The following PRKCQ variants were observed in gnomAD, a reference collection of about 807,000 sequenced individuals.
PRKCQ encodes protein kinase C theta type.
PRKCQ carries 41 observed loss-of-function variants against 91.2 expected under a neutral mutation model. That is an observed-to-expected ratio of 0.45 (90% CI 0.35 to 0.58). The LOEUF is 0.58. Ranked by LOEUF, PRKCQ falls within the 20% of genes least tolerant of loss-of-function variation. The probability of loss-of-function intolerance (pLI) is 0.00; values close to 1 mark genes in which losing one functional copy is unlikely to be tolerated. For missense variants in PRKCQ, 673 were observed against 896.5 expected (o/e 0.75, Z 3.18); for synonymous variants, 307 against 316.9 (o/e 0.97, Z 0.33).
intron 15 of PRKCQ, among the ~76,000 whole-genome samples, chr10:6,453,577 C>A (rs896732699): frequency 6.6e-6 from 1 of 152,166 alleles, no homozygotes; most frequent in Non-Finnish European, 1.5e-5. Flanking sequence ...TGGGTATATA[C>A]CCAAAGGACT....
At chr10:6,437,320 C>A (rs1833744998) in intron 16 of PRKCQ, among the ~76,000 whole-genome samples, 1 of 152,244 alleles carries the variant, frequency 6.6e-6, no homozygotes, top group African/African-American at 2.4e-5. Flanking sequence ...AAAGAGAGAC[C>A]AGAGTTTATC....
At chr10:6,474,174 G>GGTCAAT (rs1196878618) in intron 12 of PRKCQ, among the ~76,000 whole-genome samples, 1 of 152,198 alleles carries the variant, frequency 6.6e-6, no homozygotes, top group Non-Finnish European at 1.5e-5. Flanking sequence ...ATGTTCAACT[G>GGTCAAT]GTGCATATTG....
intron 8 of PRKCQ, among the ~76,000 whole-genome samples, chr10:6,490,332 G>T (rs762952553): frequency 6.6e-6 from 1 of 152,078 alleles, no homozygotes; most frequent in Non-Finnish European, 1.5e-5. Flanking sequence ...GTACCTCATT[G>T]CTCAAAAGAG....
rs566560320 is a variant in PRKCQ, at chr10:6,465,551, C to T, written c.1354-1147G>A. Among the ~76,000 whole-genome samples the T allele has an allele frequency of 3.3e-5, 5 of 152,326 alleles. No homozygotes were observed. The East Asian group carries it at 9.6e-4, about 29-fold the overall frequency. On this transcript the variant is annotated intron_variant, in intron 12 of 17. Coordinates refer to ENST00000263125, the MANE Select transcript of PRKCQ (RefSeq NM_006257.5). This position sits in a 1 kb window ranked among gnomAD's most constrained non-coding sequence, Gnocchi z 4.4. The stretch of plus-strand genomic sequence containing the variant: ...TGTAATGCATCACAGAATCAGTAAT[C>T]CATAAAGTGTGAGGACCTTCGGTGC...
At chr10:6,526,102 T>C (rs1322229730) in intron 1 of PRKCQ, among the ~76,000 whole-genome samples, 1 of 152,180 alleles carries the variant, frequency 6.6e-6, no homozygotes. Flanking sequence ...GTAAGCCTTC[T>C]ATATGTGTTT....
chr10:6,522,491 G>C (rs779859732), intron 1 of PRKCQ, among the ~76,000 whole-genome samples: 1 of 152,126 alleles, frequency 6.6e-6, no homozygotes, highest in Admixed American at 6.6e-5. Flanking sequence ...CCCAGAATGC[G>C]TTTATAGAGA....
At chr10:6,546,448 T>C (rs1357528295) in intron 1 of PRKCQ, among the ~76,000 whole-genome samples, 1 of 152,168 alleles carries the variant, frequency 6.6e-6, no homozygotes, top group African/African-American at 2.4e-5. Flanking sequence ...GGAAGCTACA[T>C]TAGTTCAAAG....
At chr10:6,503,833 G>A (rs755512926) in intron 4 of PRKCQ, among the ~76,000 whole-genome samples, 3 of 152,146 alleles carry the variant, frequency 2.0e-5, no homozygotes, top group Non-Finnish European at 4.4e-5. Context: ...CTAGAGTGCA[G>A]TGGCACTATC....
chr10:6,405,426 C>T, the PRKCQ span, among the ~76,000 whole-genome samples: 6 of 152,350 alleles, frequency 3.9e-5, no homozygotes, highest in African/African-American at 1.2e-4. Flanking sequence ...TCTCCTTTTG[C>T]GTCCTGGACC....
chr10:6,538,671 G>A (rs1307319109), intron 1 of PRKCQ, among the ~76,000 whole-genome samples: 1 of 152,152 alleles, frequency 6.6e-6, no homozygotes, highest in East Asian at 1.9e-4. Context: ...AGTGCCAGCT[G>A]GTCATGGACT....
the PRKCQ span, among the ~76,000 whole-genome samples, chr10:6,417,259 T>C: frequency 2.0e-5 from 3 of 152,204 alleles, no homozygotes; most frequent in South Asian, 4.1e-4. Context: ...AGTTGTTATT[T>C]TGAAATACTG....
At chr10:6,403,884 A>C in the PRKCQ span, among the ~76,000 whole-genome samples, 3 of 152,228 alleles carry the variant, frequency 2.0e-5, no homozygotes, top group South Asian at 6.2e-4. Flanking sequence ...CTTTGTTCCC[A>C]AAGTCACACA....
At chr10:6,504,444 C>A (rs1473871312) in intron 4 of PRKCQ, among the ~76,000 whole-genome samples, 1 of 152,222 alleles carries the variant, frequency 6.6e-6, no homozygotes, top group Non-Finnish European at 1.5e-5. Flanking sequence ...AGCCCTCACA[C>A]AAGGCATATT....
At chr10:6,521,466 T>G (rs1839000132) in intron 1 of PRKCQ, among the ~76,000 whole-genome samples, 1 of 152,006 alleles carries the variant, frequency 6.6e-6, no homozygotes, top group Admixed American at 6.5e-5. Context: ...CTTTCTCATT[T>G]GGAAATCACT....
chr10:6,560,061 C>T (rs542128686), intron 1 of PRKCQ, among the ~76,000 whole-genome samples: 26 of 152,178 alleles, frequency 1.7e-4, no homozygotes, highest in African/African-American at 3.9e-4. Context: ...GTATTTTAAA[C>T]GCCCAGAAAA....
At chr10:6,568,464 T>C (rs1455697236) in intron 1 of PRKCQ, among the ~76,000 whole-genome samples, 1 of 152,060 alleles carries the variant, frequency 6.6e-6, no homozygotes. Flanking sequence ...AATATTTTAA[T>C]ATTATCTTTT....
At chr10:6,483,357 T>G in intron 11 of PRKCQ, 83 bp downstream of exon 11, 1 of 1,555,886 alleles carries the variant, frequency 6.4e-7, no homozygotes. Context: ...CTAGTGGCCC[T>G]ATGAGTTTAA....
At chr10:6,559,817 T>C (rs1004734791) in intron 1 of PRKCQ, among the ~76,000 whole-genome samples, 1 of 55,470 alleles carries the variant, frequency 1.8e-5, no homozygotes, top group Non-Finnish European at 4.7e-5. Flanking sequence ...TATTGTTCTT[T>C]GAGTTTTGTG....
chr10:6,418,560 C>T, the PRKCQ span, among the ~76,000 whole-genome samples: 45 of 152,336 alleles, frequency 3.0e-4, no homozygotes, highest in African/African-American at 1.1e-3. Flanking sequence ...CACCCGACCC[C>T]TGGCATTCAG....
Sources: gnomAD v4.1 joint callset for allele counts (sites outside exome capture counted in the v4.1 genomes callset) on GRCh38, gnomAD v4.1.1 for gene constraint, Gnocchi (gnomAD v3.1) non-coding constraint, MANE v1.5 for transcripts, NCBI Gene and HGNC (gene_info 2026-07-23, HGNC 2026-07-21) for gene names.